The following KCNB2 variants were observed in gnomAD, a reference collection of about 807,000 sequenced individuals.
KCNB2 encodes the protein potassium voltage-gated channel subfamily B member 2.
Under a neutral mutation model 61.5 loss-of-function variants are expected in KCNB2, and 15 were observed. That is an observed-to-expected ratio of 0.24 (90% confidence interval 0.16 to 0.38). The LOEUF is 0.38. Ranked by LOEUF, KCNB2 falls within the 10% of genes least tolerant of loss-of-function variation. The pLI is 1.00. For missense variants in KCNB2, 828 were observed against 1,125.2 expected, an observed-to-expected ratio of 0.74 and a Z score of 3.78; for synonymous variants, 457 against 446.0, an observed-to-expected ratio of 1.02 and a Z score of -0.31.
chr8:72,894,632 C>T (rs1805957132), intron 2 of KCNB2, among the ~76,000 whole-genome samples: 2 of 151,690 alleles, frequency 1.3e-5, no homozygotes, highest in African/African-American at 2.4e-5. Flanking sequence ...CTTTCCAAGG[C>T]CTCTCTTGTG....
chr8:72,606,621 C>T lies in KCNB2; in HGVS notation c.579+38308C>T, dbSNP rs977162286. On this transcript the variant is annotated intron_variant, in intron 2 of 2. Coordinates refer to ENST00000523207, the MANE Select transcript of KCNB2 (RefSeq NM_004770.3). ...ACATCCCCTATGGTATTGGTCCCTTCGGAGGCAGTTCACTGGTCGTTTGGG... is the reference window on the plus strand; with the variant it reads ...ACATCCCCTATGGTATTGGTCCCTTTGGAGGCAGTTCACTGGTCGTTTGGG... 4.6e-5 allele frequency among the ~76,000 whole-genome samples: 7 copies of T among 152,156 alleles called. 1 individual carries two copies. Among genetic ancestry groups the T allele is most frequent in the African/African-American group, 1.2e-4 (5 of 41,436 alleles).
intron 2 of KCNB2, among the ~76,000 whole-genome samples, chr8:72,595,559 C>T (rs1807176108): frequency 6.6e-6 from 1 of 152,108 alleles, no homozygotes; most frequent in Admixed American, 6.5e-5. Flanking sequence ...CTCCTGACCT[C>T]GTGATCCGCC....
rs543911227 is a variant in KCNB2 at position 72,898,389 on chromosome 8, G to A, written c.580-37546G>A. Among the ~76,000 whole-genome samples, 37 of 151,786 alleles carry A rather than the reference G, an allele frequency of 2.4e-4. 1 individual carries two copies. The highest frequency in any genetic ancestry group is 9.2e-4 in the Admixed American group (14 of 15,222). On this transcript the variant is annotated intron_variant, in intron 2 of 2. Transcript: ENST00000523207. ...GCACACCAACATGGCACATGTATAC[G>A]TATGTAACTAACCTGCACGTTGTGT...
intron 2 of KCNB2, among the ~76,000 whole-genome samples, chr8:72,916,266 A>AT (rs987331012): frequency 6.6e-6 from 1 of 152,054 alleles, no homozygotes; most frequent in African/African-American, 2.4e-5. Context: ...TATAAGGGAG[A>AT]TTTTTGAGGC....
At chr8:72,933,835 G>A (rs1806841925) in intron 2 of KCNB2, among the ~76,000 whole-genome samples, 1 of 152,052 alleles carries the variant, frequency 6.6e-6, no homozygotes, top group Non-Finnish European at 1.5e-5. Context: ...AGTTAAAGAG[G>A]ACCTTTATTT....
At chr8:72,907,426 G>A (rs2128155) in intron 2 of KCNB2, among the ~76,000 whole-genome samples, 89,558 of 152,010 alleles carry the variant, frequency 0.59, 27,706 homozygotes, top group Middle Eastern at 0.7. Flanking sequence ...AAAAGTAGAA[G>A]GAGGAGGAGG....
At chr8:72,639,620 G>A (rs1199484672) in intron 2 of KCNB2, among the ~76,000 whole-genome samples, 1 of 152,058 alleles carries the variant, frequency 6.6e-6, no homozygotes, top group Non-Finnish European at 1.5e-5. Context: ...GAGGGAATCT[G>A]TAACTTCATC....
intron 2 of KCNB2, among the ~76,000 whole-genome samples, chr8:72,585,513 A>G: frequency 6.6e-6 from 1 of 152,192 alleles, no homozygotes; most frequent in East Asian, 1.9e-4. Flanking sequence ...TGATCAATAA[A>G]TGCTTAGTTT....
At chr8:72,629,421 A>T (rs77438278) in intron 2 of KCNB2, among the ~76,000 whole-genome samples, 3,011 of 152,294 alleles carry the variant, frequency 0.02, 92 homozygotes, top group African/African-American at 0.066. Context: ...TTTACACAGT[A>T]TCTCAATGAA....
intron 2 of KCNB2, among the ~76,000 whole-genome samples, chr8:72,609,412 C>T (rs1266771523): frequency 1.3e-5 from 2 of 152,040 alleles, no homozygotes; most frequent in African/African-American, 2.4e-5. Flanking sequence ...CAAGAAGTTC[C>T]GTTAGAAGTG....
At chr8:72,552,262 T>G (rs2128977418) in intron 1 of KCNB2, among the ~76,000 whole-genome samples, 1 of 152,304 alleles carries the variant, frequency 6.6e-6, no homozygotes, top group Admixed American at 6.5e-5. Context: ...AACTTATTTC[T>G]TATTTAAGAA....
At chr8:72,697,214 GT>G (rs1355619112) in intron 2 of KCNB2, among the ~76,000 whole-genome samples, 1 of 152,162 alleles carries the variant, frequency 6.6e-6, no homozygotes, top group Non-Finnish European at 1.5e-5. Flanking sequence ...TTAGGAAAGA[GT>G]TGGATAACAG....
chr8:72,736,707 AG>A (rs1279199251), intron 2 of KCNB2, among the ~76,000 whole-genome samples: 1 of 152,192 alleles, frequency 6.6e-6, no homozygotes, highest in Admixed American at 6.6e-5. Context: ...ATTAACCTAA[AG>A]TTTATAACTG....
chr8:72,777,480 A>G (rs1176428712), intron 2 of KCNB2, among the ~76,000 whole-genome samples: 3 of 152,160 alleles, frequency 2.0e-5, no homozygotes, highest in Non-Finnish European at 2.9e-5. Context: ...TCAGGGGCCT[A>G]AGGGTTCAAT....
intron 2 of KCNB2, among the ~76,000 whole-genome samples, chr8:72,848,599 A>T (rs889140276): frequency 6.6e-6 from 1 of 152,190 alleles, no homozygotes; most frequent in African/African-American, 2.4e-5. Flanking sequence ...GACAGTTTGC[A>T]GATGGGTCCA....
chr8:72,629,767 T>C lies in KCNB2; in HGVS notation c.579+61454T>C, dbSNP rs186609487. 1.2e-3 allele frequency among the ~76,000 whole-genome samples: 179 copies of C among 152,300 alleles called. 2 individuals are homozygous for C. Among genetic ancestry groups the C allele is most frequent in the Admixed American group, 8.6e-3 (132 of 15,294 alleles). On this transcript the variant is annotated intron_variant, in intron 2 of 2. Transcript: ENST00000523207. ...TAAGAACCTCCTAAGCCAGGCTCTG[T>C]GCTAGGCACTGAGCCTGTGAGAGTG... is the stretch of plus-strand genomic sequence containing the variant.
intron 2 of KCNB2, among the ~76,000 whole-genome samples, chr8:72,863,372 T>A (rs1805450650): frequency 6.6e-6 from 1 of 152,210 alleles, no homozygotes; most frequent in African/African-American, 2.4e-5. Flanking sequence ...AAAATGATAA[T>A]AAATTTTGAA....
At chr8:72,859,379 ATACAATCCACCCATT>A (rs1459738475) in intron 2 of KCNB2, among the ~76,000 whole-genome samples, 6 of 152,178 alleles carry the variant, frequency 3.9e-5, no homozygotes, top group Non-Finnish European at 7.4e-5. Context: ...TTCACATCCC[ATACAATCCACCCATT>A]TAAAAGTACA....
chr8:72,623,661 C>T (rs1258792556), intron 2 of KCNB2, among the ~76,000 whole-genome samples: 1 of 152,210 alleles, frequency 6.6e-6, no homozygotes, highest in African/African-American at 2.4e-5. Flanking sequence ...GAGGCCTTGA[C>T]CAGATTAAAA....
Sources: allele counts gnomAD v4.1 joint callset (sites outside exome capture counted in the v4.1 genomes callset), GRCh38; gene constraint gnomAD v4.1.1; transcripts MANE v1.5; gene names NCBI Gene and HGNC (gene_info 2026-07-23, HGNC 2026-07-21).